The following AGBL4 variants were observed in gnomAD, a reference collection of about 807,000 sequenced individuals.
AGBL4 encodes cytosolic carboxypeptidase 6.
In AGBL4, 58 loss-of-function variants were observed where a neutral mutation model predicts 66.4. The ratio of observed to expected loss-of-function variants is 0.87; its 90% CI spans 0.71 to 1.09. The LOEUF is 1.09. Ranked by LOEUF, AGBL4 falls within the 50% of genes least tolerant of loss-of-function variation. The pLI, the probability that AGBL4 is intolerant of heterozygous loss-of-function variation, is 0.00. For missense variants in AGBL4, 579 were observed against 631.0 expected (o/e 0.92, Z 0.88); for synonymous variants, 234 against 222.9 (o/e 1.05, Z -0.44).
intron 2 of AGBL4, chr1:49,844,859 G>T (rs145794290): frequency 7.6e-4 from 1,136 of 1,494,556 alleles, no homozygotes; most frequent in Non-Finnish European, 1.0e-3. Context: ...AGCCTAGAGA[G>T]CCTGGCAGTG....
intron 3 of AGBL4, among the ~76,000 whole-genome samples, chr1:49,442,488 A>G (rs1177320157): frequency 1.3e-5 from 2 of 152,184 alleles, no homozygotes; most frequent in African/African-American, 4.8e-5. Flanking sequence ...TAGCTTCCAC[A>G]TATAAGTGAT....
intron 1 of AGBL4, chr1:49,995,720 G>A (rs913366513): frequency 1.9e-5 from 3 of 154,538 alleles, no homozygotes; most frequent in African/African-American, 7.2e-5. Context: ...CCACTTCCTG[G>A]CTGGAGGCCA....
intron 4 of AGBL4, among the ~76,000 whole-genome samples, chr1:49,055,123 TTAG>T (rs753908372): frequency 6.6e-6 from 1 of 152,044 alleles, no homozygotes; most frequent in Non-Finnish European, 1.5e-5. Flanking sequence ...TAACAGCTTA[TTAG>T]TAGAGTCTTT....
intron 6 of AGBL4, among the ~76,000 whole-genome samples, chr1:48,749,124 C>T (rs984683445): frequency 5.3e-5 from 8 of 152,016 alleles, no homozygotes; most frequent in African/African-American, 1.9e-4. Flanking sequence ...AGGTTCTCCC[C>T]GACTTTGAGG....
intron 3 of AGBL4, among the ~76,000 whole-genome samples, chr1:49,513,563 C>T (rs989801128): frequency 1.3e-5 from 2 of 151,956 alleles, no homozygotes; most frequent in African/African-American, 4.8e-5. Context: ...CCTCCAGCTC[C>T]ATTCATGTTG....
intron 6 of AGBL4, among the ~76,000 whole-genome samples, chr1:48,796,994 A>T (rs914308761): frequency 5.3e-5 from 8 of 152,204 alleles, no homozygotes; most frequent in African/African-American, 1.9e-4. Context: ...GGTCAATGAT[A>T]TGCACACCCT....
chr1:48,584,395 C>T (rs2148336053), intron 11 of AGBL4: 1 of 152,282 alleles, frequency 6.6e-6, no homozygotes, highest in East Asian at 1.9e-4. Context: ...TCAACAACAC[C>T]CTCACCCAGT....
intron 1 of AGBL4, among the ~76,000 whole-genome samples, chr1:49,895,908 C>A (rs1649153179): frequency 6.7e-6 from 1 of 149,672 alleles, no homozygotes; most frequent in Non-Finnish European, 1.5e-5. Context: ...TACTAAACTC[C>A]TCAATGAAAA....
intron 4 of AGBL4, among the ~76,000 whole-genome samples, chr1:49,164,364 A>T (rs942220652): frequency 6.6e-6 from 1 of 152,134 alleles, no homozygotes; most frequent in African/African-American, 2.4e-5. Context: ...AATACATTAA[A>T]ACCTCTATCC....
chr1:48,715,703 A>ATG (rs10687496), intron 6 of AGBL4, among the ~76,000 whole-genome samples: 141,316 of 152,150 alleles, frequency 0.93, 65,839 homozygotes, highest in East Asian at 1. Flanking sequence ...AGGGAAAAAA[A>ATG]TGTGTTTCCT....
intron 3 of AGBL4, among the ~76,000 whole-genome samples, chr1:49,260,410 G>C (rs1653016454): frequency 1.3e-5 from 2 of 151,646 alleles, no homozygotes; most frequent in Non-Finnish European, 2.9e-5. Flanking sequence ...TAGACCGCTA[G>C]CAAGACTAAT....
At chr1:49,972,077 C>T (rs1273216067) in intron 1 of AGBL4, among the ~76,000 whole-genome samples, 1 of 151,074 alleles carries the variant, frequency 6.6e-6, no homozygotes, top group Non-Finnish European at 1.5e-5. Context: ...GCCACCACAC[C>T]CGGCTAATTT....
chr1:49,258,665 C>T (rs914966933), intron 3 of AGBL4, among the ~76,000 whole-genome samples: 1 of 151,988 alleles, frequency 6.6e-6, no homozygotes, highest in African/African-American at 2.4e-5. Flanking sequence ...GTGAAAATAC[C>T]AAATCTGTGT....
intron 6 of AGBL4, among the ~76,000 whole-genome samples, chr1:48,719,734 A>G (rs916476249): frequency 3.7e-4 from 57 of 152,362 alleles, no homozygotes; most frequent in African/African-American, 1.4e-3. Context: ...AGGTATAGTT[A>G]TAAGTGCATT....
rs369017662 is a variant in AGBL4 at position 49,217,048 on chromosome 1, A to C, written c.377+28722T>G. Among the ~76,000 whole-genome samples the C allele has an allele frequency of 3.3e-5, 5 of 152,134 alleles. No homozygotes were observed. The South Asian group carries it at 8.3e-4, about 25-fold the overall frequency. On this transcript the variant is annotated intron_variant, in intron 4 of 13. Transcript: ENST00000371839. ...CCAGGATGTAACATGCTTATGTAGA[A>C]GTCAAGCAAGCATGTGCCCCTATTA...
At chr1:49,660,108 T>G (rs1646238249) in intron 3 of AGBL4, among the ~76,000 whole-genome samples, 1 of 151,818 alleles carries the variant, frequency 6.6e-6, no homozygotes, top group Admixed American at 6.6e-5. Context: ...GAATAGGAGC[T>G]AATTAAACTA....
At chr1:50,016,888 T>C (rs998525975) in intron 1 of AGBL4, among the ~76,000 whole-genome samples, 6 of 152,138 alleles carry the variant, frequency 3.9e-5, no homozygotes, top group Admixed American at 6.5e-5. Flanking sequence ...TTTGGAGATT[T>C]CTCAAAGAAC....
intron 2 of AGBL4, among the ~76,000 whole-genome samples, chr1:49,818,951 T>A (rs1645298289): frequency 6.6e-6 from 1 of 152,210 alleles, no homozygotes; most frequent in Non-Finnish European, 1.5e-5. Context: ...AGTCCAGGCC[T>A]TTGATTTGAC....
chr1:49,532,267 T>A (rs1651200633), intron 3 of AGBL4, among the ~76,000 whole-genome samples: 1 of 152,118 alleles, frequency 6.6e-6, no homozygotes, highest in Non-Finnish European at 1.5e-5. Flanking sequence ...TAGAACATGC[T>A]CAGGGAATTA....
Sources: allele counts gnomAD v4.1 joint callset (sites outside exome capture counted in the v4.1 genomes callset), GRCh38; gene constraint gnomAD v4.1.1; transcripts MANE v1.5; gene names NCBI Gene and HGNC (gene_info 2026-07-23, HGNC 2026-07-21).